Variants in PAMR1 observed in about 807,000 individuals in gnomAD.
PAMR1 encodes peptidase domain containing associated with muscle regeneration 1, also known as inactive serine protease PAMR1.
A neutral mutation model predicts 81.8 loss-of-function variants in PAMR1; 88 were observed. The observed-to-expected ratio is 1.08, with a 90% confidence interval of 0.91 to 1.28. The LOEUF (loss-of-function observed/expected upper bound fraction) is 1.28. PAMR1 is among the 50% of genes most tolerant of loss of function. PAMR1 has a pLI of 0.00. For synonymous variants in PAMR1, 336 were observed against 345.3 expected (o/e 0.97, Z 0.30); for missense variants, 935 against 919.7 (o/e 1.02, Z -0.21).
intron 4 of PAMR1, among the ~76,000 whole-genome samples, chr11:35,473,779 G>T (rs1850233748): frequency 6.6e-6 from 1 of 152,284 alleles, no homozygotes; most frequent in Non-Finnish European, 1.5e-5. Flanking sequence ...CTTAGTGAAA[G>T]CCTGTGCCCT....
In PAMR1 at chr11:35,434,727, T is replaced by A; in HGVS notation, c.1411A>T (p.Arg471Trp). 2 of 1,614,128 alleles carry A rather than the reference T, an allele frequency of 1.2e-6. No individual in the cohort carries two copies. The highest frequency in any genetic ancestry group is 2.2e-5 in the East Asian group (1 of 44,882). Residue 471 changes from arginine (R) to tryptophan (W), a missense_variant, in exon 10 of 11, where the codon AGG becomes TGG. Arg to Trp is a moderately radical substitution (Grantham distance 101, BLOSUM62 -3). Coordinates refer to ENST00000619888, the MANE Select transcript of PAMR1 (RefSeq NM_001001991.3). ...RWPWQAAIYR[R>W]TSGVHDGSLH... ...CTGCCGTCATGCACCCCGCTGGTCC[T>A]CCTGTAGATGGCTGCCTGCCACGGC...
At chr11:35,526,473 T>TTATAA (rs145471810), upstream of PAMR1, among the ~76,000 whole-genome samples, 32,954 of 152,134 alleles carry the variant, frequency 0.22, 3,821 homozygotes, top group Non-Finnish European at 0.26. Context: ...GAAGGATGTT[T>TTATAA]CATAATAGGT....
chr11:35,448,267 T>C (rs1196580191), intron 6 of PAMR1, among the ~76,000 whole-genome samples: 1 of 152,218 alleles, frequency 6.6e-6, no homozygotes, highest in Non-Finnish European at 1.5e-5. Flanking sequence ...TCCCTGTCTC[T>C]TTCAGGTACC....
intron 1 of PAMR1, among the ~76,000 whole-genome samples, chr11:35,507,673 T>C (rs553590450): frequency 6.6e-6 from 1 of 152,326 alleles, no homozygotes; most frequent in Non-Finnish European, 1.5e-5. Context: ...TTTGCTGTTG[T>C]TTTTTGTGCA....
intron 4 of PAMR1, among the ~76,000 whole-genome samples, chr11:35,471,188 C>T (rs993210249): frequency 1.3e-5 from 2 of 152,132 alleles, no homozygotes; most frequent in African/African-American, 4.8e-5. Context: ...AGAGGCTTCC[C>T]TGACCACTCT....
intron 6 of PAMR1, among the ~76,000 whole-genome samples, chr11:35,467,751 A>G (rs1320249449): frequency 6.6e-6 from 1 of 152,184 alleles, no homozygotes; most frequent in Non-Finnish European, 1.5e-5. Flanking sequence ...AGGCCATTGT[A>G]TCTTTCTAAG....
At chr11:35,449,413 T>G (rs1177188364) in intron 6 of PAMR1, among the ~76,000 whole-genome samples, 3 of 152,170 alleles carry the variant, frequency 2.0e-5, no homozygotes, top group African/African-American at 7.2e-5. Context: ...AACCCCTGGC[T>G]GGAGTTGCCG....
At chr11:35,474,388 AT>A (rs1156960007) in intron 4 of PAMR1, among the ~76,000 whole-genome samples, 1 of 152,154 alleles carries the variant, frequency 6.6e-6, no homozygotes, top group Non-Finnish European at 1.5e-5. Flanking sequence ...TGCTCTCAGT[AT>A]TTTGCTTTGT....
At chr11:35,475,821 C>T (rs1332922035) in intron 3 of PAMR1, among the ~76,000 whole-genome samples, 1 of 152,138 alleles carries the variant, frequency 6.6e-6, no homozygotes, top group Non-Finnish European at 1.5e-5. Flanking sequence ...GTAATTATAG[C>T]AAGAGACAGT....
chr11:35,436,589 A>G (rs377402232), intron 8 of PAMR1, among the ~76,000 whole-genome samples: 6 of 151,964 alleles, frequency 3.9e-5, no homozygotes, highest in South Asian at 2.1e-4. Flanking sequence ...CCAGCCAAAA[A>G]TGGCTATCTC....
Position 35,470,583 on chromosome 11 carries a change from T to A in PAMR1, c.712+18A>T. 6.3e-6 allele frequency: 10 copies of A among 1,595,656 alleles called. No homozygotes were observed. Among genetic ancestry groups the A allele is most frequent in the Non-Finnish European group, 8.6e-6 (10 of 1,163,276 alleles). On this transcript the variant is annotated intron_variant, in intron 5 of 10. Transcript: ENST00000619888. The stretch of plus-strand genomic sequence containing the variant: ...GGAGCAAGCCATAAAATGCCACATT[T>A]GTCTCCTTGGCCTTTACCTGTGATC...
intron 4 of PAMR1, among the ~76,000 whole-genome samples, chr11:35,472,641 G>A (rs781069577): frequency 4.9e-4 from 75 of 152,220 alleles, no homozygotes; most frequent in Non-Finnish European, 1.6e-4. Context: ...TGCTAGCTGG[G>A]CAGAGGTTTA....
intron 3 of PAMR1, 54 bp downstream of exon 3, chr11:35,491,991 T>G: frequency 2.7e-6 from 4 of 1,483,050 alleles, no homozygotes; most frequent in Non-Finnish European, 3.6e-6. Flanking sequence ...CATTGTAAGC[T>G]GAGACTTTAA....
chr11:35,457,357 A>G (rs1176272870), intron 6 of PAMR1, among the ~76,000 whole-genome samples: 1 of 152,106 alleles, frequency 6.6e-6, no homozygotes, highest in Non-Finnish European at 1.5e-5. Context: ...AGGCCTTCAG[A>G]TGCTTACTGA....
At position 35,488,263 on chromosome 11, in the gene PAMR1, T is replaced by C. The variant is rs574889723; in HGVS notation, c.379+3782A>G. ...TGAGGTCTTGCTCTGTTGTTTAGGCTGGAATGCAGTGGTGTAATCATAGCT... is the reference window on the plus strand; with the variant it reads ...TGAGGTCTTGCTCTGTTGTTTAGGCCGGAATGCAGTGGTGTAATCATAGCT... On this transcript the variant is annotated intron_variant, in intron 3 of 10. Coordinates refer to ENST00000619888, the MANE Select transcript of PAMR1 (RefSeq NM_001001991.3). 7.6e-5 allele frequency among the ~76,000 whole-genome samples: 11 copies of C among 144,320 alleles called. No individual in the cohort carries two copies. In the South Asian group the frequency reaches 2.5e-3, roughly 32 times the overall value. 94.7% of individuals were successfully genotyped at this position (144,320 alleles called of 152,430 possible). A position where few individuals can be genotyped will look rare whatever the true frequency, so the allele number is the denominator to read the frequency against.
intron 1 of PAMR1, among the ~76,000 whole-genome samples, chr11:35,523,247 C>G (rs1851317007): frequency 6.6e-6 from 1 of 152,172 alleles, no homozygotes; most frequent in Non-Finnish European, 1.5e-5. Flanking sequence ...CTGGCTTTTC[C>G]TGCCCACTGA....
intron 6 of PAMR1, among the ~76,000 whole-genome samples, chr11:35,456,226 T>C (rs1349377444): frequency 6.6e-6 from 1 of 152,152 alleles, no homozygotes; most frequent in East Asian, 1.9e-4. Flanking sequence ...GGATAAGTTG[T>C]GAACCAATGA....
chr11:35,525,923 GGGGCCATAGGACCCT>G (rs148386159), upstream of PAMR1: 4,778 of 370,220 alleles, frequency 0.013, 236 homozygotes, highest in African/African-American at 0.09. Context: ...GCTGGGAGGA[GGGGCCATAGGACCCT>G]GGGCGGGAGC....
At chr11:35,528,846 T>C (rs1851428375), upstream of PAMR1, 2 of 152,336 alleles carry the variant, frequency 1.3e-5, no homozygotes, top group South Asian at 2.1e-4. Flanking sequence ...TTTGGGTTTG[T>C]AAATTTCCTA....
Sources: gnomAD v4.1 joint callset for allele counts (sites outside exome capture counted in the v4.1 genomes callset) on GRCh38, gnomAD v4.1.1 for gene constraint, MANE v1.5 for transcripts, NCBI Gene and HGNC (gene_info 2026-07-23, HGNC 2026-07-21) for gene names.